The following CRYM variants were observed in gnomAD, a reference collection of about 807,000 sequenced individuals.
CRYM encodes the protein ketimine reductase mu-crystallin.
Under a neutral mutation model 32.9 loss-of-function variants are expected in CRYM, and 18 were observed. The ratio of observed to expected loss-of-function variants is 0.55; its 90% CI spans 0.38 to 0.81. CRYM has a LOEUF of 0.81. Among genes scored for constraint, CRYM ranks in the 30% least tolerant of loss-of-function variants. CRYM has a pLI of 0.00. For synonymous variants in CRYM, 153 were observed against 152.4 expected (o/e 1.00, Z -0.03); for missense variants, 337 against 393.5 (o/e 0.86, Z 1.21).
chr16:21,285,837 G>T (rs756532931), intron 1 of CRYM, among the ~76,000 whole-genome samples: 4 of 152,032 alleles, frequency 2.6e-5, no homozygotes, highest in Non-Finnish European at 4.4e-5. Context: ...AAAGAAAAAA[G>T]GTTTATTAAC....
At chr16:21,263,338 T>A (rs1426349131) in intron 5 of CRYM, among the ~76,000 whole-genome samples, 1 of 151,776 alleles carries the variant, frequency 6.6e-6, no homozygotes, top group Non-Finnish European at 1.5e-5. Context: ...GAGTTGGAGG[T>A]TGCAGCGAGC....
intron 7 of CRYM, 100 bp from the exon 8 acceptor site, chr16:21,258,945 G>T: frequency 1.1e-6 from 1 of 909,434 alleles, no homozygotes; most frequent in Non-Finnish European, 1.8e-6. Flanking sequence ...TGTCCATGTT[G>T]CCAATGCCTA....
intron 3 of CRYM, among the ~76,000 whole-genome samples, chr16:21,271,905 C>T (rs1362337552): frequency 6.6e-6 from 1 of 151,852 alleles, no homozygotes; most frequent in Admixed American, 6.6e-5. Flanking sequence ...GTCGCCCAGG[C>T]TGGAATGCAG....
At chr16:21,290,866 T>C (rs1006033664) in intron 1 of CRYM, among the ~76,000 whole-genome samples, 2 of 152,234 alleles carry the variant, frequency 1.3e-5, no homozygotes, top group Non-Finnish European at 2.9e-5. Context: ...TCTTTGCTTT[T>C]TCATTGGTTA....
intron 1 of CRYM, among the ~76,000 whole-genome samples, chr16:21,293,587 G>A (rs1390548861): frequency 6.6e-6 from 1 of 152,180 alleles, no homozygotes; most frequent in African/African-American, 2.4e-5. Flanking sequence ...TAATTTGGAG[G>A]TTAGAGAGAA....
chr16:21,269,746 C>T (rs908558095), intron 4 of CRYM, 44 bp downstream of exon 4: 8 of 1,109,974 alleles, frequency 7.2e-6, no homozygotes, highest in Admixed American at 1.7e-5. Context: ...AGGTCAAGGA[C>T]CACCCCCTTC....
At chr16:21,270,113 GC>G (rs2093372117) in intron 3 of CRYM, among the ~76,000 whole-genome samples, 1 of 152,104 alleles carries the variant, frequency 6.6e-6, no homozygotes, top group South Asian at 2.1e-4. Flanking sequence ...CCAATGCTTT[GC>G]CCCCATGATC....
chr16:21,296,363 G>T (rs764526165), intron 1 of CRYM, among the ~76,000 whole-genome samples: 2 of 152,188 alleles, frequency 1.3e-5, no homozygotes, highest in Non-Finnish European at 2.9e-5. Context: ...ATATAGATGA[G>T]AACTTGTCAG....
At chr16:21,293,474 C>A (rs1434223202) in intron 1 of CRYM, among the ~76,000 whole-genome samples, 2 of 152,144 alleles carry the variant, frequency 1.3e-5, no homozygotes, top group South Asian at 4.1e-4. Context: ...TGAAAAAAAT[C>A]TCTGAGAACT....
At chr16:21,262,196 G>A in intron 5 of CRYM, 38 bp from the exon 6 acceptor site, 1 of 1,613,368 alleles carries the variant, frequency 6.2e-7, no homozygotes, top group Non-Finnish European at 8.5e-7. Context: ...CCCAGGATTA[G>A]TGCCAAAGGC....
intron 1 of CRYM, among the ~76,000 whole-genome samples, chr16:21,289,275 TTGTTAC>T (rs1286400719): frequency 1.3e-5 from 2 of 152,242 alleles, no homozygotes; most frequent in African/African-American, 4.8e-5. Context: ...CCATATATGT[TTGTTAC>T]TGTTGTATCT....
intron 1 of CRYM, among the ~76,000 whole-genome samples, chr16:21,290,165 C>T (rs961697739): frequency 7.2e-5 from 11 of 152,124 alleles, no homozygotes; most frequent in African/African-American, 2.7e-4. Flanking sequence ...GGATCCCCTT[C>T]CATGCTGTGG....
chr16:21,279,527 A>G (rs1363029004), upstream of CRYM, among the ~76,000 whole-genome samples: 1 of 152,234 alleles, frequency 6.6e-6, no homozygotes, highest in Non-Finnish European at 1.5e-5. Flanking sequence ...GAGGTCTAGG[A>G]GCATCAGAAG....
At chr16:21,284,835 A>C (rs226036) in intron 1 of CRYM, among the ~76,000 whole-genome samples, 151,316 of 152,328 alleles carry the variant, frequency 0.99, 75,158 homozygotes, top group Middle Eastern at 1. Context: ...GTTCTAAGTT[A>C]TTTGAGAAAT....
chr16:21,261,990 T>C, intron 6 of CRYM, 47 bp downstream of exon 6: 3 of 1,612,392 alleles, frequency 1.9e-6, no homozygotes, highest in Non-Finnish European at 2.5e-6. Context: ...GGGATCCAGG[T>C]GAGGCCAGCC....
chr16:21,289,886 A>C (rs1029175093), intron 1 of CRYM, among the ~76,000 whole-genome samples: 3 of 151,458 alleles, frequency 2.0e-5, no homozygotes, highest in Admixed American at 6.6e-5. Context: ...GGACTTGGAG[A>C]ACTTTTGTGT....
At chr16:21,274,408 T>C (rs1267635833) in intron 3 of CRYM, among the ~76,000 whole-genome samples, 2 of 152,188 alleles carry the variant, frequency 1.3e-5, no homozygotes, top group African/African-American at 2.4e-5. Flanking sequence ...TGACAGCTTC[T>C]CCAATACTCT....
At chr16:21,267,109 GTTTT>G (rs1282465381) in intron 5 of CRYM, among the ~76,000 whole-genome samples, 2 of 152,018 alleles carry the variant, frequency 1.3e-5, no homozygotes, top group Non-Finnish European at 2.9e-5. Context: ...TTGTTTGTTT[GTTTT>G]TTAAGACAGA....
At chr16:21,267,861 A>G in intron 4 of CRYM, 124 bp from the exon 5 acceptor site, 1 of 893,320 alleles carries the variant, frequency 1.1e-6, no homozygotes, top group Non-Finnish European at 1.8e-6. Context: ...TATCTAAATC[A>G]CTCCTAAATC....
Sources: gnomAD v4.1 joint callset for allele counts (sites outside exome capture counted in the v4.1 genomes callset) on GRCh38, gnomAD v4.1.1 for gene constraint, MANE v1.5 for transcripts, NCBI Gene and HGNC (gene_info 2026-07-23, HGNC 2026-07-21) for gene names.